Variants in R3HDM2 observed in about 807,000 individuals in gnomAD.
The protein encoded by R3HDM2 is R3H domain containing 2, also known as R3H domain-containing protein 2.
R3HDM2 carries 38 observed loss-of-function variants against 124.5 expected under a neutral mutation model. The ratio of observed to expected loss-of-function variants is 0.31; its 90% CI spans 0.24 to 0.40. R3HDM2 has a LOEUF of 0.40. R3HDM2 is among the 10% of genes least tolerant of loss of function. R3HDM2 has a pLI of 1.00. For missense variants in R3HDM2, 869 were observed against 1,236.9 expected (o/e 0.70, Z 4.46); for synonymous variants, 391 against 448.0 (o/e 0.87, Z 1.61).
intron 2 of R3HDM2, among the ~76,000 whole-genome samples, chr12:57,375,209 T>C (rs2063886693): frequency 6.6e-6 from 1 of 152,078 alleles, no homozygotes; most frequent in African/African-American, 2.4e-5. Flanking sequence ...TATACACCTC[T>C]CTTCATAAGT....
chr12:57,297,631 A>T (rs1566023486), intron 7 of R3HDM2: 1 of 411,562 alleles, frequency 2.4e-6, no homozygotes, highest in Non-Finnish European at 4.3e-6. Flanking sequence ...GTTATACCAT[A>T]TCAGAAATCT....
intron 2 of R3HDM2, among the ~76,000 whole-genome samples, chr12:57,334,036 CAA>C (rs879884252): frequency 8.1e-6 from 1 of 124,208 alleles, no homozygotes. Context: ...GACTCCGTCT[CAA>C]AAAAAAAAAA....
intron 2 of R3HDM2, among the ~76,000 whole-genome samples, chr12:57,341,647 T>A (rs913079092): frequency 1.3e-5 from 2 of 152,040 alleles, no homozygotes; most frequent in Non-Finnish European, 2.9e-5. Flanking sequence ...AACAAATGCC[T>A]CCTAGGATGT....
chr12:57,285,457 G>GTA (rs1188943452), intron 12 of R3HDM2, among the ~76,000 whole-genome samples: 1 of 151,936 alleles, frequency 6.6e-6, no homozygotes, highest in Admixed American at 6.6e-5. Flanking sequence ...GTGTGTGTGT[G>GTA]TGTGTGTGTG....
At chr12:57,337,979 G>C (rs909774490) in intron 2 of R3HDM2, among the ~76,000 whole-genome samples, 2 of 152,110 alleles carry the variant, frequency 1.3e-5, no homozygotes, top group Non-Finnish European at 2.9e-5. Context: ...TTTATGATTA[G>C]AAAAGTACTG....
chr12:57,272,007 G>A lies in R3HDM2; in HGVS notation c.1345-2013C>T, dbSNP rs145203736. Among the ~76,000 whole-genome samples the A allele has an allele frequency of 1.3e-3, 198 of 151,878 alleles. 2 individuals carry two copies. The highest frequency in any genetic ancestry group is 4.5e-3 in the African/African-American group (188 of 41,408). On this transcript the variant is annotated intron_variant, in intron 14 of 23. Coordinates refer to ENST00000402412, the MANE Select transcript of R3HDM2 (RefSeq NM_001394031.1). ...CCTCTCAGGTTCAAGCGATTCTCCTGCCTCAGCCTCTCAAGTAGCTAGGAC... is the reference window on the plus strand; with the variant it reads ...CCTCTCAGGTTCAAGCGATTCTCCTACCTCAGCCTCTCAAGTAGCTAGGAC...
chr12:57,353,844 A>G (rs1265052210), intron 2 of R3HDM2, among the ~76,000 whole-genome samples: 5 of 151,960 alleles, frequency 3.3e-5, no homozygotes. Flanking sequence ...TTGTGGTAAA[A>G]ATATGTTTTT....
At chr12:57,297,775 CTTT>C (rs1468809846) in intron 7 of R3HDM2, 2 of 357,062 alleles carry the variant, frequency 5.6e-6, no homozygotes, top group Non-Finnish European at 1.0e-5. Context: ...TCCTTCTGTG[CTTT>C]TTATTTTAGC....
intron 1 of R3HDM2, among the ~76,000 whole-genome samples, chr12:57,415,616 T>C (rs969027543): frequency 6.8e-6 from 1 of 147,520 alleles, no homozygotes; most frequent in Admixed American, 6.8e-5. Context: ...TCCTTTACAA[T>C]GAAGAAATCT....
intron 2 of R3HDM2, among the ~76,000 whole-genome samples, chr12:57,319,489 A>G (rs2136255319): frequency 6.6e-6 from 1 of 151,584 alleles, no homozygotes; most frequent in African/African-American, 2.4e-5. Context: ...TTTCCTTTTA[A>G]AGAGGCAAAA....
At chr12:57,352,871 C>T (rs2060832358) in intron 2 of R3HDM2, among the ~76,000 whole-genome samples, 1 of 151,932 alleles carries the variant, frequency 6.6e-6, no homozygotes, top group African/African-American at 2.4e-5. Context: ...CTGTACATGA[C>T]CCAAAACTTG....
intron 2 of R3HDM2, among the ~76,000 whole-genome samples, chr12:57,360,920 G>C (rs1280457066): frequency 6.6e-6 from 1 of 151,536 alleles, no homozygotes; most frequent in African/African-American, 2.4e-5. Context: ...GCCGTGGTGG[G>C]GGGTGCCTAT....
intron 2 of R3HDM2, among the ~76,000 whole-genome samples, chr12:57,312,906 G>T (rs950506749): frequency 7.1e-6 from 1 of 141,320 alleles, no homozygotes; most frequent in Non-Finnish European, 1.5e-5. Context: ...TCCAGCCTGG[G>T]TGACAGAGCA....
At chr12:57,314,323 T>A (rs930069385) in intron 2 of R3HDM2, among the ~76,000 whole-genome samples, 1 of 151,548 alleles carries the variant, frequency 6.6e-6, no homozygotes, top group East Asian at 1.9e-4. Context: ...CTACTAAAAA[T>A]ACAAAATTAG....
intron 2 of R3HDM2, among the ~76,000 whole-genome samples, chr12:57,351,723 A>T (rs2060697174): frequency 6.6e-6 from 1 of 152,226 alleles, no homozygotes; most frequent in Non-Finnish European, 1.5e-5. Context: ...TATTACAAAA[A>T]TTAGAAACAA....
At chr12:57,387,048 C>T (rs888986032) in intron 2 of R3HDM2, among the ~76,000 whole-genome samples, 6 of 151,932 alleles carry the variant, frequency 3.9e-5, no homozygotes, top group African/African-American at 9.7e-5. Flanking sequence ...CTAGTGGGGA[C>T]GTGGAGAACT....
chr12:57,388,769 G>T (rs1308810692), intron 2 of R3HDM2, among the ~76,000 whole-genome samples: 1 of 152,088 alleles, frequency 6.6e-6, no homozygotes, highest in East Asian at 1.9e-4. Flanking sequence ...CCACATGGAA[G>T]AGGCTTCCAT....
intron 2 of R3HDM2, among the ~76,000 whole-genome samples, chr12:57,320,620 T>C (rs2056280692): frequency 6.6e-6 from 1 of 151,990 alleles, no homozygotes; most frequent in African/African-American, 2.4e-5. Context: ...GGGGAACAGG[T>C]GGGGCAGTGA....
intron 2 of R3HDM2, among the ~76,000 whole-genome samples, chr12:57,370,406 G>A (rs796759732): frequency 1.5e-5 from 2 of 132,224 alleles, no homozygotes; most frequent in Non-Finnish European, 3.3e-5. Flanking sequence ...CCGGGGGGGG[G>A]GGGCGGGGTG....
Sources: gnomAD v4.1 joint callset for allele counts (sites outside exome capture counted in the v4.1 genomes callset) on GRCh38, gnomAD v4.1.1 for gene constraint, MANE v1.5 for transcripts, NCBI Gene and HGNC (gene_info 2026-07-23, HGNC 2026-07-21) for gene names.